PSMB7: variants seen among roughly 807,000 people sequenced by gnomAD.
PSMB7 encodes the protein proteasome subunit beta type-7.
PSMB7 carries 5 observed loss-of-function variants against 28.1 expected under a neutral mutation model. That is an observed-to-expected ratio of 0.18 (90% CI 0.09 to 0.37). The LOEUF is 0.37. PSMB7 is among the 10% of genes least tolerant of loss of function. The pLI is 1.00. For missense variants in PSMB7, 275 were observed against 346.2 expected, an observed-to-expected ratio of 0.79 and a Z score of 1.63; for synonymous variants, 122 against 123.7, an observed-to-expected ratio of 0.99 and a Z score of 0.09.
At chr9:124,376,107 G>C (rs1274487194) in intron 6 of PSMB7, among the ~76,000 whole-genome samples, 3 of 151,444 alleles carry the variant, frequency 2.0e-5, no homozygotes, top group Non-Finnish European at 4.4e-5. Context: ...TTGGCAGTTG[G>C]GAAAAAAAGA....
intron 6 of PSMB7, among the ~76,000 whole-genome samples, chr9:124,381,767 C>T (rs1181259888): frequency 6.6e-6 from 1 of 152,206 alleles, no homozygotes; most frequent in African/African-American, 2.4e-5. Flanking sequence ...CAGTCTCAGC[C>T]TTCATTTAAT....
chr9:124,410,684 T>C (rs556910035), intron 4 of PSMB7, among the ~76,000 whole-genome samples: 8 of 152,338 alleles, frequency 5.3e-5, no homozygotes, highest in African/African-American at 1.9e-4. Context: ...AGACAAGGCT[T>C]CCTATCCATA....
intron 5 of PSMB7, among the ~76,000 whole-genome samples, chr9:124,387,530 G>T (rs1404124021): frequency 6.6e-6 from 1 of 151,976 alleles, no homozygotes; most frequent in Non-Finnish European, 1.5e-5. Flanking sequence ...TTTCTGAAAA[G>T]CAGGAGCTTC....
chr9:124,362,959 A>T (rs1387558229), intron 6 of PSMB7, among the ~76,000 whole-genome samples: 1 of 152,242 alleles, frequency 6.6e-6, no homozygotes, highest in African/African-American at 2.4e-5. Context: ...TCCTCTGATG[A>T]TCTAGAGCAG....
chr9:124,409,917 T>C (rs1343323731), intron 4 of PSMB7, among the ~76,000 whole-genome samples: 3 of 152,268 alleles, frequency 2.0e-5, no homozygotes, highest in Non-Finnish European at 4.4e-5. Context: ...CTGGTTTATA[T>C]TTTTAAATGG....
chr9:124,415,408 C>G lies in PSMB7; in HGVS notation c.18G>C (p.Val6=). ...AGAAGCCTCCAACTGGTGGAGCATA[C>G]ACCGACACAGCCGCCATCTTCCCAA... MAAVS[V]YAPPVGGFSF... is the part of the protein sequence containing the mutation. The change falls in exon 1 of 8, where the codon GTG becomes GTC. Residue 6 remains valine (V), a synonymous_variant. Coordinates refer to ENST00000259457, the MANE Select transcript of PSMB7 (RefSeq NM_002799.4). 1 of 1,614,166 alleles carries G rather than the reference C, an allele frequency of 6.2e-7. No homozygotes were observed. Among genetic ancestry groups the G allele is most frequent in the Non-Finnish European group, 8.5e-7 (1 of 1,180,034 alleles).
At chr9:124,414,403 T>C (rs187488633) in intron 2 of PSMB7, among the ~76,000 whole-genome samples, 3 of 152,304 alleles carry the variant, frequency 2.0e-5, no homozygotes, top group East Asian at 3.9e-4. Flanking sequence ...ATTATCCCTT[T>C]TGACGTTTCC....
intron 6 of PSMB7, among the ~76,000 whole-genome samples, chr9:124,374,044 GAAT>G (rs567157167): frequency 1.2e-3 from 176 of 152,278 alleles, no homozygotes; most frequent in African/African-American, 3.9e-3. Flanking sequence ...CCATACAACA[GAAT>G]ACTATTTGAC....
In PSMB7 at chr9:124,405,374, G is replaced by A; in HGVS notation, c.454C>T (p.His152Tyr). Residue 152 changes from histidine to tyrosine, a missense_variant, in exon 5 of 8, where the codon CAC becomes TAC. This residue lies in a region of PSMB7 where 213 missense variants were observed against 302.4 expected (regional missense o/e 0.70). Transcript: ENST00000259457. ...CCATGAGGATAGATGCTGTAGAGGTGAGGTCCAGTAACATCTACTCCCCCT... is the reference window on the plus strand; with the variant it reads ...CCATGAGGATAGATGCTGTAGAGGTAAGGTCCAGTAACATCTACTCCCCCT... ...VLGGVDVTGP[H>Y]LYSIYPHGST... 6.2e-7 allele frequency: 1 copy of A among 1,614,006 alleles called. No individual in the cohort carries two copies. Among genetic ancestry groups the A allele is most frequent in the Non-Finnish European group, 8.5e-7 (1 of 1,179,922 alleles).
At chr9:124,393,336 G>A (rs1399521668) in intron 5 of PSMB7, among the ~76,000 whole-genome samples, 4 of 152,156 alleles carry the variant, frequency 2.6e-5, no homozygotes, top group Non-Finnish European at 4.4e-5. Flanking sequence ...ATCTTGCATC[G>A]CTTGCTGAAA....
intron 6 of PSMB7, among the ~76,000 whole-genome samples, chr9:124,360,704 A>G (rs1195741911): frequency 1.3e-5 from 2 of 152,234 alleles, no homozygotes; most frequent in Non-Finnish European, 2.9e-5. Context: ...AGGTTCAAGG[A>G]GACATGGAGG....
At chr9:124,402,808 T>C (rs980938355) in intron 5 of PSMB7, among the ~76,000 whole-genome samples, 6 of 152,252 alleles carry the variant, frequency 3.9e-5, no homozygotes, top group Admixed American at 3.9e-4. Flanking sequence ...TTGATGGAGA[T>C]ACCTAATACC....
intron 5 of PSMB7, among the ~76,000 whole-genome samples, chr9:124,386,300 A>C (rs1830717639): frequency 6.6e-6 from 1 of 152,272 alleles, no homozygotes; most frequent in South Asian, 2.1e-4. Context: ...CTGAATTTCA[A>C]AGTAAACATG....
intron 5 of PSMB7, among the ~76,000 whole-genome samples, chr9:124,385,350 G>A (rs1044486593): frequency 1.3e-4 from 20 of 152,206 alleles, no homozygotes; most frequent in African/African-American, 4.6e-4. Context: ...TGCTGCATAG[G>A]TATTAACGGA....
chr9:124,368,396 A>T (rs146632951), intron 6 of PSMB7, among the ~76,000 whole-genome samples: 1 of 152,234 alleles, frequency 6.6e-6, no homozygotes, highest in African/African-American at 2.4e-5. Context: ...TGCTACCCTA[A>T]CATTCCAACA....
intron 4 of PSMB7, 124 bp from the exon 5 acceptor site, chr9:124,405,556 G>T (rs1830954768): frequency 3.2e-6 from 2 of 631,724 alleles, no homozygotes; most frequent in Admixed American, 2.8e-5. Flanking sequence ...TCATTAAGGG[G>T]TTATTGTTTT....
intron 6 of PSMB7, among the ~76,000 whole-genome samples, 179 bp from the exon 7 acceptor site, chr9:124,357,094 C>T (rs374976211): frequency 5.3e-5 from 8 of 152,232 alleles, no homozygotes; most frequent in African/African-American, 1.7e-4. Context: ...CCAAAGTTCC[C>T]GACCCAGGCC....
chr9:124,394,346 A>T (rs546779422), intron 5 of PSMB7, among the ~76,000 whole-genome samples: 1 of 152,236 alleles, frequency 6.6e-6, no homozygotes, highest in Non-Finnish European at 1.5e-5. Context: ...ACTAGGTCAT[A>T]AGCATATAAA....
At chr9:124,354,091 G>C (rs1432127741) in intron 7 of PSMB7, among the ~76,000 whole-genome samples, 1 of 152,196 alleles carries the variant, frequency 6.6e-6, no homozygotes, top group Non-Finnish European at 1.5e-5. Context: ...AGAAGGGCAT[G>C]ATTGCTCTTC....
Sources: gnomAD v4.1 joint callset for allele counts (sites outside exome capture counted in the v4.1 genomes callset) on GRCh38, gnomAD v4.1.1 for gene constraint, gnomAD v4.1.1 regional missense constraint, MANE v1.5 for transcripts, NCBI Gene and HGNC (gene_info 2026-07-23, HGNC 2026-07-21) for gene names.